The following ANK2 variants were observed in gnomAD, a reference collection of about 807,000 sequenced individuals.
The protein encoded by ANK2 is ankyrin 2.
Under a neutral mutation model 360.5 loss-of-function variants are expected in ANK2, and 83 were observed. That is an observed-to-expected ratio of 0.23 (90% CI 0.19 to 0.28). ANK2 has a LOEUF of 0.28. Ranked by LOEUF, ANK2 falls within the 10% of genes least tolerant of loss-of-function variation. ANK2 has a pLI of 1.00. For missense variants in ANK2, 4,201 were observed against 4,795.7 expected, an observed-to-expected ratio of 0.88 and a Z score of 3.66; for synonymous variants, 1,740 against 1,759.5, an observed-to-expected ratio of 0.99 and a Z score of 0.28.
At chr4:113,186,702 A>G (rs530896039) in intron 2 of ANK2, among the ~76,000 whole-genome samples, 1 of 152,258 alleles carries the variant, frequency 6.6e-6, no homozygotes, top group East Asian at 1.9e-4. Context: ...CTTATGGAAT[A>G]CATAGAAGAA....
At chr4:112,919,983 G>A (rs961661769) in intron 2 of ANK2, among the ~76,000 whole-genome samples, 2 of 151,996 alleles carry the variant, frequency 1.3e-5, no homozygotes, top group African/African-American at 2.4e-5. Context: ...TATACGTAGA[G>A]CTGAATAATA....
chr4:113,126,467 A>G (rs2095665357), intron 1 of ANK2, among the ~76,000 whole-genome samples: 1 of 152,180 alleles, frequency 6.6e-6, no homozygotes, highest in South Asian at 2.1e-4. Context: ...AATGACTGAA[A>G]CCAATAAAAT....
chr4:113,022,406 C>G (rs2058369214), intron 2 of ANK2, among the ~76,000 whole-genome samples: 2 of 152,064 alleles, frequency 1.3e-5, no homozygotes, highest in Non-Finnish European at 2.9e-5. Flanking sequence ...GGACAGGGCT[C>G]TAGTTCAAAT....
At chr4:112,838,348 C>T (rs1311523750) in intron 1 of ANK2, among the ~76,000 whole-genome samples, 2 of 152,166 alleles carry the variant, frequency 1.3e-5, no homozygotes, top group Non-Finnish European at 2.9e-5. Flanking sequence ...TATCCAGCCT[C>T]GGGTAGTATC....
chr4:113,170,751 G>T (rs1029620912), intron 1 of ANK2, among the ~76,000 whole-genome samples: 2 of 152,098 alleles, frequency 1.3e-5, no homozygotes, highest in Non-Finnish European at 2.9e-5. Context: ...GTTGTTCTGT[G>T]TTTCTAATAT....
At chr4:113,145,745 G>C in intron 1 of ANK2, 2 of 1,192,658 alleles carry the variant, frequency 1.7e-6, no homozygotes, top group Non-Finnish European at 2.1e-6. Context: ...GCGTGGAAGG[G>C]AACTGAGCAG....
intron 2 of ANK2, among the ~76,000 whole-genome samples, chr4:113,041,108 C>T: frequency 6.6e-6 from 1 of 152,082 alleles, no homozygotes. Context: ...TACCTCTCAT[C>T]ATATCCATTC....
the ANK2 span, among the ~76,000 whole-genome samples, chr4:112,786,235 G>GA: frequency 1.8e-4 from 23 of 128,040 alleles, no homozygotes; most frequent in South Asian, 2.0e-3. Context: ...CAGGTTTGAT[G>GA]AAAAAAAAAA....
intron 4 of ANK2, among the ~76,000 whole-genome samples, chr4:113,226,255 A>G (rs1039410570): frequency 6.6e-6 from 1 of 152,136 alleles, no homozygotes; most frequent in Non-Finnish European, 1.5e-5. Context: ...CCGTACAAAA[A>G]CCAATTCCTC....
chr4:113,034,187 T>C (rs1456005168), intron 2 of ANK2, among the ~76,000 whole-genome samples: 1 of 151,962 alleles, frequency 6.6e-6, no homozygotes, highest in Non-Finnish European at 1.5e-5. Context: ...AGGATGACGA[T>C]TATATCAAGA....
At chr4:112,820,713 G>A (rs889733995) in intron 1 of ANK2, among the ~76,000 whole-genome samples, 3 of 152,100 alleles carry the variant, frequency 2.0e-5, no homozygotes, top group Admixed American at 6.5e-5. Context: ...GGGATTACAG[G>A]CATGAGCCAC....
intron 2 of ANK2, among the ~76,000 whole-genome samples, chr4:112,973,126 T>G (rs1225613241): frequency 2.0e-5 from 3 of 151,136 alleles, no homozygotes; most frequent in Non-Finnish European, 4.4e-5. Context: ...ACCAAAGAAC[T>G]TATCTGTGTA....
intron 1 of ANK2, among the ~76,000 whole-genome samples, chr4:113,100,017 C>A (rs992122870): frequency 6.6e-6 from 1 of 151,922 alleles, no homozygotes; most frequent in African/African-American, 2.4e-5. Context: ...AACGATGAAA[C>A]TTCTAGAAGA....
At chr4:112,941,630 A>AATATATAAATATATAAATATATAGAT (rs2094218484) in intron 2 of ANK2, among the ~76,000 whole-genome samples, 6 of 143,524 alleles carry the variant, frequency 4.2e-5, no homozygotes, top group Admixed American at 2.1e-4. Flanking sequence ...TGTAAATGTA[A>AATATATAAATATATAAATATATAGAT]ATATATAAAT....
intron 4 of ANK2, among the ~76,000 whole-genome samples, chr4:113,226,145 C>T (rs577956769): frequency 3.9e-5 from 6 of 152,216 alleles, no homozygotes; most frequent in African/African-American, 9.6e-5. Flanking sequence ...ACCTGCTTTC[C>T]ACTCTTCTGG....
intron 2 of ANK2, among the ~76,000 whole-genome samples, chr4:113,037,498 T>G (rs759029803): frequency 2.0e-5 from 3 of 151,964 alleles, no homozygotes; most frequent in Non-Finnish European, 4.4e-5. Context: ...TTGACACTTA[T>G]GCAAGATAAA....
chr4:113,071,952 G>C (rs1372181837), intron 1 of ANK2: 1 of 152,244 alleles, frequency 6.6e-6, no homozygotes, highest in Non-Finnish European at 1.5e-5. Flanking sequence ...CCTGTGAAAG[G>C]GGGATGCCCC....
At chr4:112,835,614 T>C (rs1264458124) in intron 1 of ANK2, among the ~76,000 whole-genome samples, 1 of 152,200 alleles carries the variant, frequency 6.6e-6, no homozygotes, top group Non-Finnish European at 1.5e-5. Flanking sequence ...CCTTTCTTTT[T>C]TCTTTCCTTC....
At chr4:113,339,778 G>A (rs1330079362) in intron 32 of ANK2, among the ~76,000 whole-genome samples, 2 of 152,144 alleles carry the variant, frequency 1.3e-5, no homozygotes, top group African/African-American at 4.8e-5. Flanking sequence ...TCTTTAAAAC[G>A]ATGAAGCTAT....
Sources: allele counts gnomAD v4.1 joint callset (sites outside exome capture counted in the v4.1 genomes callset), GRCh38; gene constraint gnomAD v4.1.1; transcripts MANE v1.5; gene names NCBI Gene and HGNC (gene_info 2026-07-23, HGNC 2026-07-21).